Variants in PREP observed in about 807,000 individuals in gnomAD.
PREP encodes the protein dJ355L5.1 (prolyl endopeptidase).
In PREP, 29 loss-of-function variants were observed where a neutral mutation model predicts 87.6. The observed-to-expected ratio is 0.33, with a 90% confidence interval of 0.25 to 0.45. PREP has a LOEUF of 0.45. PREP is among the 20% of genes least tolerant of loss of function. The pLI, the probability that PREP is intolerant of heterozygous loss-of-function variation, is 1.00. For synonymous variants in PREP, 337 were observed against 328.6 expected (o/e 1.03, Z -0.28); for missense variants, 695 against 886.5 (o/e 0.78, Z 2.74).
intron 2 of PREP, among the ~76,000 whole-genome samples, chr6:105,395,074 G>C (rs1436712991): frequency 6.6e-6 from 1 of 152,180 alleles, no homozygotes; most frequent in Non-Finnish European, 1.5e-5. Context: ...GGGCTGCAAA[G>C]ATTGCTTTCT....
At chr6:105,390,875 G>A (rs1773125013) in intron 2 of PREP, among the ~76,000 whole-genome samples, 1 of 152,100 alleles carries the variant, frequency 6.6e-6, no homozygotes, top group Non-Finnish European at 1.5e-5. Context: ...CCAGCGATCG[G>A]AGAGATGCTG....
At chr6:105,331,761 C>T (rs757901888) in intron 8 of PREP, among the ~76,000 whole-genome samples, 10 of 152,156 alleles carry the variant, frequency 6.6e-5, no homozygotes, top group African/African-American at 9.7e-5. Flanking sequence ...TTCTGTGACT[C>T]GTGGGTCCCT....
chr6:105,336,076 G>T (rs1240681186), intron 7 of PREP, among the ~76,000 whole-genome samples: 1 of 152,146 alleles, frequency 6.6e-6, no homozygotes, highest in African/African-American at 2.4e-5. Flanking sequence ...TGGCCAACAT[G>T]GCGAAACCCT....
chr6:105,352,222 A>G (rs1375398772), intron 7 of PREP, among the ~76,000 whole-genome samples: 1 of 152,154 alleles, frequency 6.6e-6, no homozygotes, highest in East Asian at 1.9e-4. Flanking sequence ...AGTATGTCTG[A>G]TAGGATTTCT....
intron 10 of PREP, among the ~76,000 whole-genome samples, chr6:105,306,025 A>G (rs1770646384): frequency 6.6e-6 from 1 of 151,924 alleles, no homozygotes; most frequent in Admixed American, 6.6e-5. Flanking sequence ...AATTTTTTGT[A>G]GAGATGGGGT....
chr6:105,352,923 T>A lies in PREP; in HGVS notation c.823+49A>T, dbSNP rs79514248. The A allele has an allele frequency of 9.4e-3, 13,987 of 1,484,164 alleles. 534 individuals carry two copies. The highest frequency in any genetic ancestry group is 0.078 in the East Asian group (3,449 of 44,256). 91.9% of individuals were successfully genotyped at this position (1,484,164 alleles called of 1,614,324 possible). On this transcript the variant is annotated intron_variant, in intron 7 of 14. Coordinates refer to ENST00000652536, the MANE Select transcript of PREP (RefSeq NM_002726.5). The stretch of plus-strand genomic sequence containing the variant: ...ATTAATAGACCACAATAATACTTTT[T>A]AAATGAAGTTTCTTGGAATAACTAT...
At chr6:105,285,249 G>A (rs1489542320) in intron 12 of PREP, among the ~76,000 whole-genome samples, 2 of 152,172 alleles carry the variant, frequency 1.3e-5, no homozygotes, top group Non-Finnish European at 2.9e-5. Context: ...AACAAGGAAT[G>A]CTTCTGAAAA....
At chr6:105,315,962 A>G (rs1210833494) in intron 10 of PREP, among the ~76,000 whole-genome samples, 2 of 152,258 alleles carry the variant, frequency 1.3e-5, no homozygotes, top group Non-Finnish European at 2.9e-5. Flanking sequence ...AGCTGGTTTC[A>G]TCTTCTATCC....
At chr6:105,322,320 C>A (rs572483943) in intron 10 of PREP, 1 of 918,446 alleles carries the variant, frequency 1.1e-6, no homozygotes, top group African/African-American at 1.8e-5. Flanking sequence ...AGATTATATT[C>A]TATTGCCAGA....
intron 6 of PREP, among the ~76,000 whole-genome samples, chr6:105,361,705 T>C (rs1190776073): frequency 1.3e-5 from 2 of 152,238 alleles, no homozygotes; most frequent in African/African-American, 4.8e-5. Context: ...TTATTTTATA[T>C]AAATCTTTTG....
rs184997093 is a variant in PREP at position 105,361,213 on chromosome 6, C to A, written c.717+7690G>T. 2.6e-3 allele frequency among the ~76,000 whole-genome samples: 392 copies of A among 152,226 alleles called. 3 individuals carry two copies. Among genetic ancestry groups the A allele is most frequent in the Middle Eastern group, 0.014 (4 of 294 alleles). ...AGAGACAATTAACAGAAAAGCATTT[C>A]ATGTTTTAAACTCTCAATAATTTAA... On this transcript the variant is annotated intron_variant, in intron 6 of 14. Coordinates refer to ENST00000652536, the MANE Select transcript of PREP (RefSeq NM_002726.5).
At chr6:105,354,507 T>C (rs992739605) in intron 6 of PREP, among the ~76,000 whole-genome samples, 1 of 151,526 alleles carries the variant, frequency 6.6e-6, no homozygotes, top group South Asian at 2.1e-4. Flanking sequence ...GATGTTAGTT[T>C]AGATGTTTGT....
intron 7 of PREP, among the ~76,000 whole-genome samples, chr6:105,336,967 AT>A (rs138564056): frequency 0.063 from 9,434 of 149,190 alleles, 347 homozygotes; most frequent in Middle Eastern, 0.11. Context: ...GTTAATAATC[AT>A]TTTTTTTTTA....
intron 7 of PREP, 129 bp from the exon 8 acceptor site, chr6:105,333,634 G>C: frequency 2.1e-6 from 2 of 949,658 alleles, no homozygotes; most frequent in Non-Finnish European, 1.6e-6. Flanking sequence ...GAAGATCTAG[G>C]GCATGAAAAG....
At chr6:105,334,814 C>A (rs1044198543) in intron 7 of PREP, among the ~76,000 whole-genome samples, 2 of 152,154 alleles carry the variant, frequency 1.3e-5, no homozygotes, top group African/African-American at 4.8e-5. Flanking sequence ...TTCACTGCAA[C>A]CTCCAACTCC....
chr6:105,276,143 C>T lies in PREP; in HGVS notation c.*2001G>A, dbSNP rs1413644715. On this transcript the variant is annotated 3_prime_UTR_variant, in exon 15 of 15. Transcript: ENST00000652536. ...TTATTTCTAATGTTTAAAGCTCCCCCTACTCCCCAAAATACCTTTAGTTGG... is the reference window on the plus strand; with the variant it reads ...TTATTTCTAATGTTTAAAGCTCCCCTTACTCCCCAAAATACCTTTAGTTGG... Among the ~76,000 whole-genome samples the T allele has an allele frequency of 6.6e-6, 1 of 152,224 alleles. No homozygotes were observed. The highest frequency in any genetic ancestry group is 2.4e-5 in the African/African-American group (1 of 41,458).
chr6:105,376,289 G>A (rs1240265940), intron 3 of PREP, 34 bp from the exon 4 acceptor site: 7 of 1,596,122 alleles, frequency 4.4e-6, no homozygotes, highest in Non-Finnish European at 6.0e-6. Flanking sequence ...TTCAGCTGTG[G>A]AGTTTTCTAT....
chr6:105,328,631 T>C (rs1771234992), intron 9 of PREP, among the ~76,000 whole-genome samples, 198 bp downstream of exon 9: 1 of 152,218 alleles, frequency 6.6e-6, no homozygotes, highest in Admixed American at 6.5e-5. Context: ...ATAAGATTAA[T>C]GAGAGTGCCA....
At chr6:105,337,723 C>T (rs564971070) in intron 7 of PREP, among the ~76,000 whole-genome samples, 1 of 152,310 alleles carries the variant, frequency 6.6e-6, no homozygotes, top group African/African-American at 2.4e-5. Context: ...TTCTTTCATG[C>T]CAACTAAGCA....
Sources: gnomAD v4.1 joint callset for allele counts (sites outside exome capture counted in the v4.1 genomes callset) on GRCh38, gnomAD v4.1.1 for gene constraint, MANE v1.5 for transcripts, NCBI Gene and HGNC (gene_info 2026-07-23, HGNC 2026-07-21) for gene names.